SUPT3H: variants seen among roughly 807,000 people sequenced by gnomAD.
The protein encoded by SUPT3H is SPT3 homolog, SAGA and STAGA complex component.
SUPT3H carries 44 observed loss-of-function variants against 44.3 expected under a neutral mutation model. The observed-to-expected ratio is 0.99, with a 90% CI of 0.78 to 1.28. SUPT3H has a LOEUF of 1.28. Ranked by LOEUF, SUPT3H falls within the 50% of genes most tolerant of loss-of-function variation. The probability of loss-of-function intolerance (pLI) is 0.00; values close to 1 mark genes in which losing one functional copy is unlikely to be tolerated. For missense variants in SUPT3H, 380 were observed against 387.1 expected (o/e 0.98, Z 0.15); for synonymous variants, 124 against 125.6 (o/e 0.99, Z 0.09).
chr6:44,946,070 T>C (rs1250991911), intron 9 of SUPT3H, among the ~76,000 whole-genome samples: 1 of 152,198 alleles, frequency 6.6e-6, no homozygotes, highest in Non-Finnish European at 1.5e-5. Context: ...GCTTATGCTC[T>C]ATAAGTGGAA....
intron 2 of SUPT3H, chr6:45,323,102 T>G (rs1214471810): frequency 1.6e-5 from 9 of 572,790 alleles, no homozygotes; most frequent in Non-Finnish European, 2.8e-5. Context: ...ACTGACAATT[T>G]ATATACTGGA....
chr6:45,089,571 T>C (rs905396135), intron 3 of SUPT3H, among the ~76,000 whole-genome samples: 1 of 152,064 alleles, frequency 6.6e-6, no homozygotes, highest in African/African-American at 2.4e-5. Flanking sequence ...CACAAATCTG[T>C]CATTCTCCCA....
At chr6:45,128,083 T>C (rs575162058) in intron 2 of SUPT3H, among the ~76,000 whole-genome samples, 1 of 152,266 alleles carries the variant, frequency 6.6e-6, no homozygotes, top group African/African-American at 2.4e-5. Context: ...CTTTGTCTGA[T>C]ATTAATATAG....
intron 11 of SUPT3H, among the ~76,000 whole-genome samples, chr6:44,810,670 G>A (rs1251025688): frequency 3.3e-5 from 5 of 151,804 alleles, no homozygotes; most frequent in Admixed American, 3.3e-4. Context: ...CACTTTGGGA[G>A]GCTGAGGCAG....
chr6:44,900,347 C>T (rs2153447682), intron 10 of SUPT3H, among the ~76,000 whole-genome samples: 1 of 152,318 alleles, frequency 6.6e-6, no homozygotes, highest in Middle Eastern at 3.4e-3. Flanking sequence ...TTCCAAAGCT[C>T]TTAGCAAACG....
At position 45,068,430 on chromosome 6, in the gene SUPT3H, A is replaced by T. The variant is rs900371899; in HGVS notation, c.186+37492T>A. 9.3e-5 allele frequency among the ~76,000 whole-genome samples: 14 copies of T among 150,658 alleles called. No homozygotes were observed. In the South Asian group the frequency reaches 3.0e-3, roughly 32 times the overall value. ...TATACATATGTAACTAACCTGCACA[A>T]TGTGCACATGTACCCTAAAACTTAA... On this transcript the variant is annotated intron_variant, in intron 3 of 10. Coordinates refer to ENST00000371459, the MANE Select transcript of SUPT3H (RefSeq NM_003599.4).
intron 2 of SUPT3H, among the ~76,000 whole-genome samples, chr6:45,182,244 CTTT>C (rs1403696256): frequency 6.6e-6 from 1 of 152,046 alleles, no homozygotes; most frequent in Non-Finnish European, 1.5e-5. Context: ...ATTTGTTTGC[CTTT>C]TTTATTTTTA....
chr6:45,035,148 T>A (rs1787488003), intron 3 of SUPT3H, among the ~76,000 whole-genome samples: 1 of 152,170 alleles, frequency 6.6e-6, no homozygotes, highest in African/African-American at 2.4e-5. Context: ...AGGGTAAGAA[T>A]TTTTCATATG....
Position 45,108,366 on chromosome 6 carries a change from C to T in SUPT3H, c.102-2360G>A, listed in dbSNP as rs191053332. 7.2e-5 allele frequency among the ~76,000 whole-genome samples: 11 copies of T among 152,164 alleles called. No individual in the cohort carries two copies. The East Asian group carries it at 2.1e-3, about 29-fold the overall frequency. ...GGCGGCATGCACCTGTAGTCAAGGA[C>T]TATAATTGTCATGATTAGTTCCTCC... On this transcript the variant is annotated intron_variant, in intron 2 of 10. Coordinates refer to ENST00000371459, the MANE Select transcript of SUPT3H (RefSeq NM_003599.4).
intron 10 of SUPT3H, among the ~76,000 whole-genome samples, chr6:44,862,230 T>G (rs1235813263): frequency 6.6e-6 from 1 of 151,968 alleles, no homozygotes; most frequent in African/African-American, 2.4e-5. Context: ...ATTTGCCCCC[T>G]TCTCTGCTTG....
At chr6:45,136,718 C>T (rs13204295) in intron 2 of SUPT3H, among the ~76,000 whole-genome samples, 2,078 of 151,838 alleles carry the variant, frequency 0.014, 34 homozygotes, top group Middle Eastern at 0.041. Context: ...TGAACTTGAA[C>T]ACAGATGTAT....
At chr6:44,939,238 T>C (rs1244899081) in intron 9 of SUPT3H, among the ~76,000 whole-genome samples, 2 of 152,174 alleles carry the variant, frequency 1.3e-5, no homozygotes, top group Non-Finnish European at 2.9e-5. Context: ...GTGAGGTATA[T>C]TCCTTTTAGG....
At chr6:45,345,249 A>G (rs1479847396) in intron 2 of SUPT3H, among the ~76,000 whole-genome samples, 1 of 152,204 alleles carries the variant, frequency 6.6e-6, no homozygotes, top group African/African-American at 2.4e-5. Flanking sequence ...ATTGTTAAAG[A>G]CTGTAAAATG....
intron 2 of SUPT3H, among the ~76,000 whole-genome samples, chr6:45,282,235 G>A (rs1047503799): frequency 6.6e-6 from 1 of 152,214 alleles, no homozygotes; most frequent in African/African-American, 2.4e-5. Flanking sequence ...AAAGCTGGAT[G>A]GAGAATGACT....
chr6:45,191,348 A>G (rs1815100562), intron 2 of SUPT3H, among the ~76,000 whole-genome samples: 1 of 152,158 alleles, frequency 6.6e-6, no homozygotes, highest in South Asian at 2.1e-4. Flanking sequence ...CAACTATATG[A>G]AATTCTGAAA....
chr6:45,035,885 G>C (rs902699715), intron 3 of SUPT3H, among the ~76,000 whole-genome samples: 1 of 151,662 alleles, frequency 6.6e-6, no homozygotes, highest in Non-Finnish European at 1.5e-5. Context: ...TCCCAAAATG[G>C]ATGTTCTGGA....
rs1583309529 is a variant in SUPT3H at position 45,061,217 on chromosome 6, C to T, written c.187-40585G>A. On this transcript the variant is annotated intron_variant, in intron 3 of 10. Transcript: ENST00000371459. ...AATCCAAATGCCCATCAATTATACA[C>T]TGGATAAAGAAAATGTGGTACATAT... Among the ~76,000 whole-genome samples the T allele has an allele frequency of 2.6e-5, 4 of 152,242 alleles. No homozygotes were observed. The South Asian group carries it at 8.3e-4, about 32-fold the overall frequency.
At chr6:44,861,076 G>A (rs968469219) in intron 10 of SUPT3H, among the ~76,000 whole-genome samples, 3 of 151,826 alleles carry the variant, frequency 2.0e-5, no homozygotes, top group Non-Finnish European at 4.4e-5. Context: ...GCTTTCTTTT[G>A]TTTTGTTTTG....
chr6:44,879,473 A>G (rs12211922), intron 10 of SUPT3H, among the ~76,000 whole-genome samples: 31,221 of 152,168 alleles, frequency 0.21, 3,917 homozygotes, highest in Non-Finnish European at 0.29. Context: ...CAGAGCATCT[A>G]GGGGAAGGGG....
Sources: allele counts gnomAD v4.1 joint callset (sites outside exome capture counted in the v4.1 genomes callset), GRCh38; gene constraint gnomAD v4.1.1; transcripts MANE v1.5; gene names NCBI Gene and HGNC (gene_info 2026-07-23, HGNC 2026-07-21).